DENND4A: variants seen among roughly 807,000 people sequenced by gnomAD.
The protein encoded by DENND4A is C-myc promoter-binding protein.
A neutral mutation model predicts 199.3 loss-of-function variants in DENND4A; 70 were observed. That is an observed-to-expected ratio of 0.35 (90% CI 0.29 to 0.43). The LOEUF is 0.43. Among genes scored for constraint, DENND4A ranks in the 20% least tolerant of loss-of-function variants. The probability of loss-of-function intolerance (pLI) is 1.00; values close to 1 mark genes in which losing one functional copy is unlikely to be tolerated. For missense variants in DENND4A, 1,723 were observed against 2,255.8 expected (o/e 0.76, Z 4.78); for synonymous variants, 686 against 766.9 (o/e 0.89, Z 1.74).
intron 1 of DENND4A, among the ~76,000 whole-genome samples, chr15:65,779,625 CT>C (rs2077383633): frequency 6.6e-6 from 1 of 150,702 alleles, no homozygotes; most frequent in Non-Finnish European, 1.5e-5. Context: ...CAGGGGAACA[CT>C]ACCATGCCTG....
intron 21 of DENND4A, 71 bp from the exon 22 acceptor site, chr15:65,696,568 T>G (rs750840375): frequency 7.0e-5 from 83 of 1,181,654 alleles, no homozygotes; most frequent in Non-Finnish European, 9.3e-5. Flanking sequence ...CAAGAGAAGT[T>G]TTCAGTTCTA....
At chr15:65,735,479 T>C (rs1372859103) in intron 7 of DENND4A, among the ~76,000 whole-genome samples, 4 of 152,208 alleles carry the variant, frequency 2.6e-5, no homozygotes, top group Admixed American at 2.0e-4. Flanking sequence ...TGCAAGAGCA[T>C]TGTGGGTAAA....
At chr15:65,685,262 G>C (rs2076729849) in intron 23 of DENND4A, among the ~76,000 whole-genome samples, 1 of 152,124 alleles carries the variant, frequency 6.6e-6, no homozygotes, top group Non-Finnish European at 1.5e-5. Flanking sequence ...GAGTAGCTGG[G>C]ACTACAGGCG....
chr15:65,742,900 T>C (rs961172510), intron 4 of DENND4A, among the ~76,000 whole-genome samples: 8 of 152,234 alleles, frequency 5.3e-5, no homozygotes, highest in Admixed American at 1.3e-4. Flanking sequence ...ACTAAATAAA[T>C]ATATACATAA....
intron 1 of DENND4A, among the ~76,000 whole-genome samples, chr15:65,777,568 G>C (rs942396551): frequency 4.7e-4 from 71 of 152,128 alleles, no homozygotes; most frequent in African/African-American, 1.6e-3. Flanking sequence ...AGCCAGGCTG[G>C]CCTCGAACTG....
chr15:65,751,804 G>A (rs2076569949), intron 4 of DENND4A, among the ~76,000 whole-genome samples: 2 of 152,138 alleles, frequency 1.3e-5, no homozygotes, highest in South Asian at 4.1e-4. Flanking sequence ...TCTTGATGGA[G>A]TGATGGAGAC....
intron 1 of DENND4A, among the ~76,000 whole-genome samples, chr15:65,774,683 A>T (rs1311675266): frequency 6.6e-6 from 1 of 151,390 alleles, no homozygotes; most frequent in Non-Finnish European, 1.5e-5. Flanking sequence ...AAAATAAAAT[A>T]AAAATAAAAA....
chr15:65,680,810 T>C (rs1296917967), intron 23 of DENND4A: 2 of 152,210 alleles, frequency 1.3e-5, no homozygotes, highest in East Asian at 1.9e-4. Context: ...TACACTGAAG[T>C]CTACTGTACA....
At chr15:65,697,424 C>A (rs1342968020) in intron 20 of DENND4A, 41 bp from the exon 21 acceptor site, 1 of 1,258,850 alleles carries the variant, frequency 7.9e-7, no homozygotes, top group Non-Finnish European at 1.1e-6. Context: ...TTAGAAACTT[C>A]TTTAGTGAGT....
intron 1 of DENND4A, among the ~76,000 whole-genome samples, chr15:65,767,574 C>T (rs143444011): frequency 2.4e-3 from 369 of 152,280 alleles, no homozygotes; most frequent in Non-Finnish European, 4.5e-3. Flanking sequence ...CCATAAAATG[C>T]TGGGATTACA....
chr15:65,721,111 C>A (rs527552879), intron 12 of DENND4A, among the ~76,000 whole-genome samples: 7 of 150,802 alleles, frequency 4.6e-5, no homozygotes, highest in Admixed American at 4.6e-4. Context: ...CCCTGCCCAG[C>A]CAATGTTAAT....
intron 24 of DENND4A, among the ~76,000 whole-genome samples, chr15:65,672,491 C>T (rs997558738): frequency 6.6e-6 from 1 of 151,734 alleles, no homozygotes; most frequent in African/African-American, 2.4e-5. Context: ...ATTAGCTGGA[C>T]GTGGTGGTGT....
In DENND4A at chr15:65,756,392, T is replaced by C; in HGVS notation, c.59A>G (p.Asp20Gly). 6.2e-7 allele frequency: 1 copy of C among 1,613,942 alleles called. No homozygotes were observed. Among genetic ancestry groups the C allele is most frequent in the Non-Finnish European group, 8.5e-7 (1 of 1,179,858 alleles). ...ADYFVVAGLTDVSKPLEEEIH... is the reference protein window; with the variant it reads ...ADYFVVAGLTGVSKPLEEEIH... ...TTCTTCTTCTAGAGGCTTTGAAACATCAGTTAATCCTGCTACAACAAAGTA... is the reference window on the plus strand; with the variant it reads ...TTCTTCTTCTAGAGGCTTTGAAACACCAGTTAATCCTGCTACAACAAAGTA... Residue 20 changes from aspartate to glycine, a missense_variant, in exon 3 of 33, where the codon GAT (aspartate) becomes GGT (glycine). Physicochemically the swap from Asp to Gly is moderately conservative, Grantham distance 94. Transcript: ENST00000443035.
chr15:65,765,548 T>A (rs966545303), intron 1 of DENND4A, among the ~76,000 whole-genome samples: 1 of 152,254 alleles, frequency 6.6e-6, no homozygotes, highest in African/African-American at 2.4e-5. Context: ...ACAGCTGTAT[T>A]ACTGACATTG....
At chr15:65,691,733 A>T (rs1006671872) in intron 22 of DENND4A, among the ~76,000 whole-genome samples, 1 of 152,110 alleles carries the variant, frequency 6.6e-6, no homozygotes, top group African/African-American at 2.4e-5. Flanking sequence ...GAGATTAATT[A>T]TCTAGCTCAG....
chr15:65,783,518 A>G (rs2077488192), intron 1 of DENND4A, among the ~76,000 whole-genome samples: 1 of 152,232 alleles, frequency 6.6e-6, no homozygotes, highest in Non-Finnish European at 1.5e-5. Context: ...ATGATATTCC[A>G]ACAGCAATGA....
intron 14 of DENND4A, among the ~76,000 whole-genome samples, chr15:65,714,422 AAC>A (rs201678586): frequency 1.0e-4 from 4 of 39,876 alleles, no homozygotes; most frequent in East Asian, 9.1e-3. Context: ...CAAAAAAAAA[AAC>A]AAAAAAAAAA....
chr15:65,758,838 C>A (rs980299585), intron 2 of DENND4A, among the ~76,000 whole-genome samples: 17 of 152,222 alleles, frequency 1.1e-4, no homozygotes, highest in Admixed American at 1.3e-4. Context: ...AAATCCTCAG[C>A]AGTCTTTTGA....
chr15:65,662,210 C>A (rs566517299), intron 32 of DENND4A, among the ~76,000 whole-genome samples: 5 of 152,106 alleles, frequency 3.3e-5, no homozygotes, highest in Non-Finnish European at 5.9e-5. Flanking sequence ...TGTTAAAAAC[C>A]ACCAAATACC....
Sources: allele counts gnomAD v4.1 joint callset (sites outside exome capture counted in the v4.1 genomes callset), GRCh38; gene constraint gnomAD v4.1.1; transcripts MANE v1.5; gene names NCBI Gene and HGNC (gene_info 2026-07-23, HGNC 2026-07-21).